The following CUL5 variants were observed in gnomAD, a reference collection of about 807,000 sequenced individuals.
The protein encoded by CUL5 is cullin-5.
CUL5 carries 26 observed loss-of-function variants against 108.8 expected under a neutral mutation model. The observed-to-expected ratio is 0.24, with a 90% CI of 0.18 to 0.33. The LOEUF (loss-of-function observed/expected upper bound fraction) is 0.33, where lower values mean the gene tolerates loss of function less well. CUL5 is among the 10% of genes least tolerant of loss of function. CUL5 has a pLI of 1.00. For synonymous variants in CUL5, 334 were observed against 298.0 expected (o/e 1.12, Z -1.25); for missense variants, 524 against 909.2 (o/e 0.58, Z 5.45).
rs569337279 is a variant in CUL5 at position 108,097,821 on chromosome 11, A to G, written c.2024+67A>G. 45 of 840,186 alleles carry G rather than the reference A, an allele frequency of 5.4e-5. No individual in the cohort carries two copies. The East Asian group carries it at 7.5e-4, about 14-fold the overall frequency. 52.0% of individuals were successfully genotyped at this position (840,186 alleles called of 1,614,324 possible). Reference sequence around the variant, plus strand: ...AATTTTAGCACTTTGTTTTTTGCAAAATAATTGTTTTCCTTACATTATATT... The same window carrying G: ...AATTTTAGCACTTTGTTTTTTGCAAGATAATTGTTTTCCTTACATTATATT... On this transcript the variant is annotated intron_variant, in intron 17 of 18. Coordinates refer to ENST00000393094, the MANE Select transcript of CUL5 (RefSeq NM_003478.6).
At chr11:108,086,310 A>G (rs958552980) in intron 11 of CUL5, among the ~76,000 whole-genome samples, 19 of 152,206 alleles carry the variant, frequency 1.2e-4, no homozygotes, top group Non-Finnish European at 2.9e-5. Context: ...CAAAGTAACA[A>G]TATAAGACTA....
At position 108,095,794 on chromosome 11, in the gene CUL5, GTCT is replaced by G. The variant is rs1864475690; in HGVS notation, c.1905+105_1905+107del. Reference sequence around the variant, plus strand: ...AGTAAATTCATAACAGTTTCAGAATGTCTTATCAAGAAAAATAGAGGCCGGGCA... The same window carrying G: ...AGTAAATTCATAACAGTTTCAGAATGTATCAAGAAAAATAGAGGCCGGGCA... On this transcript the variant is annotated intron_variant, in intron 16 of 18. Transcript: ENST00000393094. The G allele has an allele frequency of 3.6e-6, 4 of 1,104,950 alleles. No individual in the cohort carries two copies. In the East Asian group the frequency reaches 9.7e-5, roughly 27 times the overall value. The allele number at this position is 1,104,950 out of a possible 1,614,324, so 68.4% of individuals were successfully genotyped here. A position where few individuals can be genotyped will look rare whatever the true frequency, so the allele number is the denominator to read the frequency against.
rs1443379465 is a variant in CUL5 at position 108,105,527 on chromosome 11, T to C, written c.*1143T>C. The C allele has an allele frequency of 6.6e-6, 1 of 152,346 alleles. No individual in the cohort carries two copies. The highest frequency in any genetic ancestry group is 6.6e-5 in the Admixed American group (1 of 15,256). 9.4% of individuals were successfully genotyped at this position (152,346 alleles called of 1,614,324 possible). ...TAAACTTGCCAAATATATGTACATA[T>C]ATATTTATATATTTTAAAAATAAAC... On this transcript the variant is annotated 3_prime_UTR_variant, in exon 19 of 19. Transcript: ENST00000393094.
chr11:108,062,527 TATA>T (rs1367934042), intron 7 of CUL5, among the ~76,000 whole-genome samples: 2 of 148,472 alleles, frequency 1.3e-5, no homozygotes, highest in Admixed American at 6.7e-5. Context: ...AAATATTAAA[TATA>T]ATTATAAATA....
rs772395362 is a variant in CUL5, at chr11:108,073,516, A to G, written c.1113+19A>G. 8.6e-7 allele frequency: 1 copy of G among 1,156,458 alleles called. No individual in the cohort carries two copies. Among genetic ancestry groups the G allele is most frequent in the Admixed American group, 2.4e-5 (1 of 42,494 alleles). 71.6% of individuals were successfully genotyped at this position (1,156,458 alleles called of 1,614,324 possible). ...AGATAAGGTATATATTCCTATATAT[A>G]TAAAAAACACTTTTAAAAGTTTTAT... On this transcript the variant is annotated intron_variant, in intron 10 of 18. Transcript: ENST00000393094.
intron 4 of CUL5, 91 bp from the exon 5 acceptor site, chr11:108,052,569 A>C: frequency 1.8e-5 from 21 of 1,199,064 alleles, no homozygotes; most frequent in Non-Finnish European, 2.3e-5. Flanking sequence ...GCCCAGGCCT[A>C]CAAATTTGAT....
intron 4 of CUL5, among the ~76,000 whole-genome samples, chr11:108,050,931 A>G (rs767640595): frequency 6.6e-6 from 1 of 152,208 alleles, no homozygotes; most frequent in Admixed American, 6.5e-5. Context: ...CAGCTCTTCA[A>G]ACTCCGTCCT....
At position 108,022,978 on chromosome 11, in the gene CUL5, G is replaced by T. The variant is rs559440356; in HGVS notation, c.25-10824G>T. ...AAATATCCTTTCCTGGCCCAGCGTG[G>T]TGGCTCACGCCTGTAATCCTAGCAC... is the stretch of plus-strand genomic sequence containing the variant. On this transcript the variant is annotated intron_variant, in intron 1 of 18. Coordinates refer to ENST00000393094, the MANE Select transcript of CUL5 (RefSeq NM_003478.6). Among the ~76,000 whole-genome samples, 23 of 152,300 alleles carry T rather than the reference G, an allele frequency of 1.5e-4. No individual in the cohort carries two copies. In the East Asian group the frequency reaches 4.2e-3, roughly 28 times the overall value.
chr11:108,086,371 C>T (rs1864223256), intron 11 of CUL5, among the ~76,000 whole-genome samples: 3 of 152,160 alleles, frequency 2.0e-5, no homozygotes, highest in Admixed American at 2.0e-4. Context: ...ATGAAGACTG[C>T]TTGAGCCCAG....
At chr11:108,079,853 T>C (rs889214317) in intron 11 of CUL5, among the ~76,000 whole-genome samples, 3 of 152,202 alleles carry the variant, frequency 2.0e-5, no homozygotes, top group Non-Finnish European at 4.4e-5. Flanking sequence ...CACTGTGTAC[T>C]TCTTGTGTAA....
chr11:108,099,418 G>C lies in CUL5; in HGVS notation c.2148+889G>C, dbSNP rs569082657. ...AAAGATGAATGAATAAAAACCAATT[G>C]CATTTCTATGGGGCAATAAATAAAA... On this transcript the variant is annotated intron_variant, in intron 18 of 18. Coordinates refer to ENST00000393094, the MANE Select transcript of CUL5 (RefSeq NM_003478.6). Among the ~76,000 whole-genome samples the C allele has an allele frequency of 7.2e-5, 11 of 152,164 alleles. 1 individual carries two copies. In the South Asian group the frequency reaches 2.3e-3, roughly 32 times the overall value.
At chr11:108,063,174 C>T (rs991409240) in intron 7 of CUL5, among the ~76,000 whole-genome samples, 1 of 152,066 alleles carries the variant, frequency 6.6e-6, no homozygotes, top group African/African-American at 2.4e-5. Flanking sequence ...TACCCATTAA[C>T]CATCCCTATT....
chr11:108,055,034 A>G, intron 7 of CUL5, 79 bp downstream of exon 7: 1 of 1,016,842 alleles, frequency 9.8e-7, no homozygotes, highest in Non-Finnish European at 1.4e-6. Context: ...AACAACATAA[A>G]TAATATTATT....
At chr11:108,083,611 T>G (rs1864151400) in intron 11 of CUL5, among the ~76,000 whole-genome samples, 1 of 152,344 alleles carries the variant, frequency 6.6e-6, no homozygotes, top group East Asian at 1.9e-4. Context: ...GGCAATGTAG[T>G]GAGACCCATC....
intron 7 of CUL5, among the ~76,000 whole-genome samples, chr11:108,059,254 G>T (rs1216433159): frequency 3.3e-5 from 5 of 152,112 alleles, no homozygotes; most frequent in Non-Finnish European, 5.9e-5. Context: ...AGTATTTCCT[G>T]GGGAAATTCA....
intron 13 of CUL5, among the ~76,000 whole-genome samples, chr11:108,091,604 G>A (rs528116684): frequency 1.3e-5 from 2 of 151,696 alleles, no homozygotes; most frequent in South Asian, 2.1e-4. Flanking sequence ...TGGGAGGATC[G>A]CCTGAGCCTG....
intron 18 of CUL5, among the ~76,000 whole-genome samples, chr11:108,103,022 C>G (rs1289898259): frequency 6.6e-6 from 1 of 152,132 alleles, no homozygotes. Flanking sequence ...TCTCAAACTC[C>G]TGGACTCAAG....
At position 108,054,858 on chromosome 11, in the gene CUL5, AT is replaced by A. The variant is rs766898170; in HGVS notation, c.700-13del. On this transcript the variant is annotated splice_polypyrimidine_tract_variant and intron_variant, in intron 6 of 18. Coordinates refer to ENST00000393094, the MANE Select transcript of CUL5 (RefSeq NM_003478.6). ...CCTTGATATTCTTAAAATGATTGCT[AT>A]TTTGCTTCTGGACAGGCAGATGCTA... 184 of 1,604,756 alleles carry A rather than the reference AT, an allele frequency of 1.1e-4. 2 individuals are homozygous for A. The South Asian group carries it at 1.9e-3, about 17-fold the overall frequency.
chr11:108,017,216 C>T (rs1027399437), intron 1 of CUL5, among the ~76,000 whole-genome samples: 2 of 151,642 alleles, frequency 1.3e-5, no homozygotes, highest in Admixed American at 6.6e-5. Context: ...TGGTGAAACT[C>T]GTCTCTACAA....
Sources: gnomAD v4.1 joint callset for allele counts (sites outside exome capture counted in the v4.1 genomes callset) on GRCh38, gnomAD v4.1.1 for gene constraint, MANE v1.5 for transcripts, NCBI Gene and HGNC (gene_info 2026-07-23, HGNC 2026-07-21) for gene names.